Variants in ALK observed in about 807,000 individuals in gnomAD.
The protein encoded by ALK is ALK receptor tyrosine kinase, also known as ALK tyrosine kinase receptor.
In ALK, 74 loss-of-function variants were observed where a neutral mutation model predicts 163.1. The observed-to-expected ratio is 0.45, with a 90% CI of 0.38 to 0.55. The LOEUF is 0.55. Ranked by LOEUF, ALK falls within the 20% of genes least tolerant of loss-of-function variation. The pLI, the probability that ALK is intolerant of heterozygous loss-of-function variation, is 0.00. For missense variants in ALK, 2,063 were observed against 2,105.3 expected (o/e 0.98, Z 0.39); for synonymous variants, 960 against 843.2 (o/e 1.14, Z -2.40).
chr2:29,902,679 C>T (rs967315278), intron 1 of ALK, among the ~76,000 whole-genome samples: 1 of 152,196 alleles, frequency 6.6e-6, no homozygotes, highest in African/African-American at 2.4e-5. Context: ...TACAGGAAGA[C>T]AAACTGGACT....
chr2:29,779,757 A>G (rs966645417), intron 1 of ALK, among the ~76,000 whole-genome samples: 2 of 152,242 alleles, frequency 1.3e-5, no homozygotes, highest in Non-Finnish European at 2.9e-5. Flanking sequence ...CCAATCAAGT[A>G]TAGAAGGTAA....
intron 4 of ALK, among the ~76,000 whole-genome samples, chr2:29,522,769 G>A (rs914419413): frequency 1.3e-5 from 2 of 152,192 alleles, no homozygotes; most frequent in African/African-American, 2.4e-5. Context: ...AGGGACAACA[G>A]GCCATTCCTG....
chr2:29,403,707 T>C (rs1669505367), intron 4 of ALK, among the ~76,000 whole-genome samples: 1 of 17,186 alleles, frequency 5.8e-5, no homozygotes, highest in African/African-American at 3.7e-4. Flanking sequence ...GACAGGTCTC[T>C]ACAAAAAAAA....
intron 3 of ALK, among the ~76,000 whole-genome samples, chr2:29,611,979 G>C (rs899382056): frequency 1.3e-5 from 2 of 152,208 alleles, no homozygotes; most frequent in Non-Finnish European, 2.9e-5. Context: ...CAAAGAGACA[G>C]ACAAACAGGT....
chr2:29,434,267 A>G (rs1415270604), intron 4 of ALK, among the ~76,000 whole-genome samples: 1 of 152,226 alleles, frequency 6.6e-6, no homozygotes, highest in East Asian at 1.9e-4. Context: ...CTTTGGATGG[A>G]AGAGCATAAT....
chr2:29,425,614 G>C (rs1418137492), intron 4 of ALK, among the ~76,000 whole-genome samples: 3 of 152,170 alleles, frequency 2.0e-5, no homozygotes, highest in Non-Finnish European at 4.4e-5. Context: ...ACCCTGCTCA[G>C]CACTCTGACC....
intron 26 of ALK, among the ~76,000 whole-genome samples, chr2:29,198,394 C>T (rs1227084941): frequency 6.6e-6 from 1 of 152,140 alleles, no homozygotes; most frequent in African/African-American, 2.4e-5. Flanking sequence ...TTGCTCAAGC[C>T]CAAAACCTAG....
chr2:29,548,272 G>A (rs938164228), intron 3 of ALK, among the ~76,000 whole-genome samples: 5 of 152,156 alleles, frequency 3.3e-5, no homozygotes, highest in African/African-American at 1.2e-4. Context: ...AGGAGACTGG[G>A]ACCGTCCTGG....
At chr2:29,509,109 A>T (rs1240014788) in intron 4 of ALK, among the ~76,000 whole-genome samples, 2 of 152,186 alleles carry the variant, frequency 1.3e-5, no homozygotes, top group Non-Finnish European at 2.9e-5. Context: ...TCATGTGTGG[A>T]GGCTTTTCTG....
intron 1 of ALK, among the ~76,000 whole-genome samples, chr2:29,907,939 C>T (rs72857521): frequency 0.035 from 5,268 of 152,134 alleles, 306 homozygotes; most frequent in African/African-American, 0.12. Context: ...GTTCCAAAAC[C>T]TTAGACTTTT....
At chr2:29,812,842 G>C (rs1282717473) in intron 1 of ALK, among the ~76,000 whole-genome samples, 1 of 152,164 alleles carries the variant, frequency 6.6e-6, no homozygotes, top group Non-Finnish European at 1.5e-5. Flanking sequence ...GGACTGAGCT[G>C]GACACTAGGG....
intron 13 of ALK, among the ~76,000 whole-genome samples, chr2:29,236,642 G>C (rs777695050): frequency 2.0e-4 from 30 of 152,082 alleles, no homozygotes; most frequent in Non-Finnish European, 4.0e-4. Flanking sequence ...TGGAGGAGCT[G>C]CCGCCCTTTC....
intron 26 of ALK, among the ~76,000 whole-genome samples, chr2:29,199,994 C>T (rs1374672079): frequency 6.6e-6 from 1 of 152,188 alleles, no homozygotes; most frequent in Non-Finnish European, 1.5e-5. Flanking sequence ...GATATTTTCC[C>T]TATTTTTCAG....
chr2:29,889,472 T>C (rs1193758038), intron 1 of ALK, among the ~76,000 whole-genome samples: 2 of 152,054 alleles, frequency 1.3e-5, no homozygotes, highest in African/African-American at 4.8e-5. Context: ...AGGATCTATT[T>C]TCTTTAAAAT....
At position 29,750,086 on chromosome 2, in the gene ALK, G is replaced by A. The variant is rs140834047; in HGVS notation, c.668-32389C>T. ...GCTGCCCCAGACAGACAGCACATCC[G>A]CCGAGGGCATGATTGCATGGGACTC... On this transcript the variant is annotated intron_variant, in intron 1 of 28. Transcript: ENST00000389048. Among the ~76,000 whole-genome samples the A allele has an allele frequency of 7.2e-5, 11 of 152,328 alleles. No homozygotes were observed. The East Asian group carries it at 1.9e-3, about 27-fold the overall frequency.
chr2:29,265,158 T>A (rs548343690), intron 11 of ALK, among the ~76,000 whole-genome samples: 3 of 152,270 alleles, frequency 2.0e-5, no homozygotes, highest in Middle Eastern at 6.8e-3. Context: ...TAGCTGAGAT[T>A]ACAGGCACAT....
chr2:29,568,962 C>T (rs1416612138), intron 3 of ALK, among the ~76,000 whole-genome samples: 4 of 152,260 alleles, frequency 2.6e-5, no homozygotes, highest in South Asian at 4.1e-4. Context: ...CCACCTTTTA[C>T]CTTGGGTGGG....
chr2:29,837,155 C>T (rs13417904), intron 1 of ALK, among the ~76,000 whole-genome samples: 3,830 of 152,172 alleles, frequency 0.025, 146 homozygotes, highest in African/African-American at 0.081. Flanking sequence ...TTAGCCTATC[C>T]GGAATTATAC....
intron 5 of ALK, among the ~76,000 whole-genome samples, chr2:29,357,580 T>A (rs765584532): frequency 6.6e-6 from 1 of 152,244 alleles, no homozygotes; most frequent in African/African-American, 2.4e-5. Flanking sequence ...GAGTTAATTC[T>A]CATTCTGTCC....
Sources: allele counts gnomAD v4.1 joint callset (sites outside exome capture counted in the v4.1 genomes callset), GRCh38; gene constraint gnomAD v4.1.1; transcripts MANE v1.5; gene names NCBI Gene and HGNC (gene_info 2026-07-23, HGNC 2026-07-21).